The following LIPM variants were observed in gnomAD, a reference collection of about 807,000 sequenced individuals.
The protein encoded by LIPM is lipase member M.
LIPM carries 42 observed loss-of-function variants against 42.4 expected under a neutral mutation model. The observed-to-expected ratio is 0.99, with a 90% CI of 0.77 to 1.28. The LOEUF (loss-of-function observed/expected upper bound fraction) is 1.28, where lower values mean the gene tolerates loss of function less well. Ranked by LOEUF, LIPM falls within the 50% of genes most tolerant of loss-of-function variation. The pLI, the probability that LIPM is intolerant of heterozygous loss-of-function variation, is 0.00. For missense variants in LIPM, 524 were observed against 520.1 expected, an observed-to-expected ratio of 1.01 and a Z score of -0.07; for synonymous variants, 177 against 173.3, an observed-to-expected ratio of 1.02 and a Z score of -0.17.
Position 88,814,793 on chromosome 10 carries a change from C to T in LIPM, c.574+154C>T, listed in dbSNP as rs367750226. 1.3e-5 allele frequency among the ~76,000 whole-genome samples: 2 copies of T among 152,286 alleles called. 1 individual carries two copies. Among genetic ancestry groups the T allele is most frequent in the African/African-American group, 4.8e-5 (2 of 41,556 alleles). ...CCCAGCAATGTGTCTAGCATATAGA[C>T]ATATGTGCTAGATATAGCATATCTC... On this transcript the variant is annotated intron_variant, in intron 4 of 8. Coordinates refer to ENST00000404743, the MANE Select transcript of LIPM (RefSeq NM_001128215.1).
intron 4 of LIPM, among the ~76,000 whole-genome samples, chr10:88,814,882 G>T (rs1022854136): frequency 6.6e-6 from 1 of 152,094 alleles, no homozygotes; most frequent in East Asian, 1.9e-4. Flanking sequence ...AGCCAACATC[G>T]TGTTATTCAA....
Sources: gnomAD v4.1 joint callset for allele counts (sites outside exome capture counted in the v4.1 genomes callset) on GRCh38, gnomAD v4.1.1 for gene constraint, MANE v1.5 for transcripts, NCBI Gene and HGNC (gene_info 2026-07-23, HGNC 2026-07-21) for gene names.